MYH11: variants seen among roughly 807,000 people sequenced by gnomAD.
MYH11 encodes myosin heavy chain 11, also known as myosin-11.
Under a neutral mutation model 246.6 loss-of-function variants are expected in MYH11, and 80 were observed. The ratio of observed to expected loss-of-function variants is 0.32; its 90% confidence interval spans 0.27 to 0.39. The LOEUF (loss-of-function observed/expected upper bound fraction) is 0.39. Ranked by LOEUF, MYH11 falls within the 10% of genes least tolerant of loss-of-function variation. The probability of loss-of-function intolerance (pLI) is 1.00; values close to 1 mark genes in which losing one functional copy is unlikely to be tolerated. For synonymous variants in MYH11, 1,071 were observed against 1,015.5 expected (o/e 1.05, Z -1.04); for missense variants, 2,158 against 2,546.8 (o/e 0.85, Z 3.29).
intron 1 of MYH11, among the ~76,000 whole-genome samples, chr16:15,844,906 T>C (rs1312913558): frequency 2.6e-5 from 4 of 152,144 alleles, no homozygotes; most frequent in Non-Finnish European, 4.4e-5. Flanking sequence ...GCATTTTCAT[T>C]AGCCTAAAAG....
chr16:15,856,085 G>T (rs944336638), intron 1 of MYH11, among the ~76,000 whole-genome samples: 4 of 152,134 alleles, frequency 2.6e-5, no homozygotes, highest in African/African-American at 9.7e-5. Context: ...CACGAGAGTG[G>T]CATTGACACA....
At chr16:15,724,119 C>T in intron 31 of MYH11, 42 bp downstream of exon 31, 1 of 1,610,876 alleles carries the variant, frequency 6.2e-7, no homozygotes, top group Non-Finnish European at 8.5e-7. Flanking sequence ...TTCCCCAACC[C>T]AGCGTCCATG....
chr16:15,843,711 AAGAAAGAAAGG>A (rs2044116532), intron 1 of MYH11, among the ~76,000 whole-genome samples: 1 of 147,560 alleles, frequency 6.8e-6, no homozygotes, highest in Admixed American at 6.6e-5. Context: ...AAAAAAAAAA[AAGAAAGAAAGG>A]AAGAAAGAAA....
At chr16:15,713,706 A>T (rs1479791495) in intron 40 of MYH11, 2 of 151,196 alleles carry the variant, frequency 1.3e-5, no homozygotes, top group Non-Finnish European at 2.9e-5. Context: ...CTGCTCTTGA[A>T]CTCCTGAGCT....
chr16:15,836,725 T>TC (rs985980962), intron 2 of MYH11, among the ~76,000 whole-genome samples: 1 of 132,476 alleles, frequency 7.5e-6, no homozygotes, highest in Non-Finnish European at 1.6e-5. Context: ...GTTTCTTTTT[T>TC]TTTTTTTTTT....
At chr16:15,812,998 C>G (rs2043175655) in intron 3 of MYH11, among the ~76,000 whole-genome samples, 1 of 152,236 alleles carries the variant, frequency 6.6e-6, no homozygotes, top group Non-Finnish European at 1.5e-5. Context: ...GAAACACCAT[C>G]TCTACTAAAA....
At chr16:15,749,741 GT>G (rs1033594621) in intron 16 of MYH11, 16 of 285,230 alleles carry the variant, frequency 5.6e-5, no homozygotes, top group African/African-American at 3.4e-4. Flanking sequence ...AACCAAAAAT[GT>G]CTGTAGCATG....
At chr16:15,856,568 G>A (rs2044476522) in intron 1 of MYH11, among the ~76,000 whole-genome samples, 1 of 151,956 alleles carries the variant, frequency 6.6e-6, no homozygotes, top group South Asian at 2.1e-4. Flanking sequence ...AGATTTCCAA[G>A]GGAGCATATC....
intron 3 of MYH11, among the ~76,000 whole-genome samples, chr16:15,816,232 G>A (rs2043259479): frequency 1.3e-5 from 2 of 152,122 alleles, no homozygotes; most frequent in Admixed American, 6.6e-5. Flanking sequence ...GATCCTATAT[G>A]ACAGTTACTA....
intron 1 of MYH11, among the ~76,000 whole-genome samples, chr16:15,855,356 G>A (rs1429823058): frequency 2.0e-5 from 3 of 152,106 alleles, no homozygotes; most frequent in Non-Finnish European, 2.9e-5. Context: ...CAAAGGACAC[G>A]GTGATAAACA....
chr16:15,745,267 G>C, intron 19 of MYH11, 30 bp from the exon 20 acceptor site: 24 of 1,439,796 alleles, frequency 1.7e-5, no homozygotes, highest in East Asian at 6.9e-5. Flanking sequence ...AGGTGCGGGG[G>C]TCATGAAGCC....
At chr16:15,769,360 C>T (rs1032758774) in intron 9 of MYH11, among the ~76,000 whole-genome samples, 4 of 152,190 alleles carry the variant, frequency 2.6e-5, no homozygotes, top group Non-Finnish European at 1.5e-5. Flanking sequence ...ATTAGCCAGG[C>T]GTGGTAGCAC....
At chr16:15,737,696 A>G in intron 24 of MYH11, 76 bp from the exon 25 acceptor site, 1 of 1,547,136 alleles carries the variant, frequency 6.5e-7, no homozygotes, top group South Asian at 1.1e-5. Flanking sequence ...CTGCCCAGGC[A>G]TTTTACCCGG....
At chr16:15,824,068 G>T (rs2043492787) in intron 2 of MYH11, among the ~76,000 whole-genome samples, 1 of 152,158 alleles carries the variant, frequency 6.6e-6, no homozygotes, top group African/African-American at 2.4e-5. Flanking sequence ...ACCGAACTAA[G>T]CACTACGCAG....
rs763802657 is a variant in MYH11, at chr16:15,732,669, G to C, written c.3546C>G (p.Ala1182=). 6.2e-7 allele frequency: 1 copy of C among 1,614,188 alleles called. No homozygotes were observed. The highest frequency in any genetic ancestry group is 8.5e-7 in the Non-Finnish European group (1 of 1,180,046). ...CATGGGACCGCGTCTCTTCATCCAG[G>C]GCCTTCTTCAGCACCGTCACCTCCT... ...REQEVTVLKK[A]LDEETRSHEA... Residue 1182 remains alanine (A), a synonymous_variant, in exon 27 of 41, where the codon GCC becomes GCG. Coordinates refer to ENST00000300036, the MANE Select transcript of MYH11 (RefSeq NM_002474.3).
At chr16:15,756,053 G>A (rs778706028) in intron 14 of MYH11, among the ~76,000 whole-genome samples, 3 of 152,064 alleles carry the variant, frequency 2.0e-5, no homozygotes, top group Non-Finnish European at 4.4e-5. Flanking sequence ...AGCTATGATC[G>A]CACCACTGCA....
chr16:15,715,269 C>G lies in MYH11; in HGVS notation c.5508G>C (p.Glu1836Asp). The G allele has an allele frequency of 6.2e-7, 1 of 1,614,108 alleles. No homozygotes were observed. The highest frequency in any genetic ancestry group is 1.1e-5 in the South Asian group (1 of 91,082). Residue 1836 changes from glutamate to aspartate, a missense_variant, in exon 39 of 41, where the codon GAG becomes GAC. Coordinates refer to ENST00000300036, the MANE Select transcript of MYH11 (RefSeq NM_002474.3). ...TCAGCGACTTGGTGGCCGCCTGTTT[C>G]TCTCTGCAAACAGCAAGGAAAACAG... ...LEEQVEQEAR[E>D]KQAATKSLKQ...
chr16:15,773,474 C>T (rs895654400), intron 8 of MYH11, among the ~76,000 whole-genome samples: 2 of 151,806 alleles, frequency 1.3e-5, no homozygotes, highest in Admixed American at 6.6e-5. Flanking sequence ...TTAGTAGAGA[C>T]GGGGTTTCAT....
At chr16:15,824,571 G>T (rs150252209) in intron 2 of MYH11, among the ~76,000 whole-genome samples, 1 of 152,124 alleles carries the variant, frequency 6.6e-6, no homozygotes, top group Non-Finnish European at 1.5e-5. Context: ...GGGAACCACC[G>T]CACTCAGCCA....
Sources: allele counts gnomAD v4.1 joint callset (sites outside exome capture counted in the v4.1 genomes callset), GRCh38; gene constraint gnomAD v4.1.1; transcripts MANE v1.5; gene names NCBI Gene and HGNC (gene_info 2026-07-23, HGNC 2026-07-21).